KIAA1217: variants seen among roughly 807,000 people sequenced by gnomAD.
KIAA1217 encodes the protein sickle tail protein homolog.
KIAA1217 carries 88 observed loss-of-function variants against 163.9 expected under a neutral mutation model. The observed-to-expected ratio is 0.54, with a 90% CI of 0.45 to 0.64. KIAA1217 has a LOEUF of 0.64. Among genes scored for constraint, KIAA1217 ranks in the 30% least tolerant of loss-of-function variants. The pLI, the probability that KIAA1217 is intolerant of heterozygous loss-of-function variation, is 0.00. For missense variants in KIAA1217, 2,372 were observed against 2,475.0 expected (o/e 0.96, Z 0.88); for synonymous variants, 903 against 923.1 (o/e 0.98, Z 0.39).
intron 4 of KIAA1217, among the ~76,000 whole-genome samples, chr10:24,433,734 A>G (rs570269170): frequency 1.3e-3 from 202 of 152,254 alleles, no homozygotes; most frequent in Middle Eastern, 6.8e-3. Context: ...GACCCTGTGG[A>G]CATTTTAGGT....
intron 2 of KIAA1217, among the ~76,000 whole-genome samples, chr10:24,279,356 A>G (rs1179923805): frequency 6.6e-6 from 1 of 151,952 alleles, no homozygotes; most frequent in Non-Finnish European, 1.5e-5. Context: ...CCTTGACTTC[A>G]AAGTCTGTTG....
intron 2 of KIAA1217, among the ~76,000 whole-genome samples, chr10:24,024,259 AAC>A (rs1468712771): frequency 6.6e-6 from 1 of 151,650 alleles, no homozygotes; most frequent in African/African-American, 2.4e-5. Flanking sequence ...AAGCATCCCC[AAC>A]ACACCAAAAA....
chr10:23,762,687 A>T (rs994801317), intron 1 of KIAA1217, among the ~76,000 whole-genome samples: 1 of 152,234 alleles, frequency 6.6e-6, no homozygotes, highest in African/African-American at 2.4e-5. Context: ...GGCTGGAAGC[A>T]TTCCCCTTGA....
chr10:24,191,638 C>T (rs1293215872), intron 2 of KIAA1217, among the ~76,000 whole-genome samples: 1 of 152,008 alleles, frequency 6.6e-6, no homozygotes, highest in South Asian at 2.1e-4. Context: ...AAAAGCAACC[C>T]AGAATAGGAT....
intron 2 of KIAA1217, among the ~76,000 whole-genome samples, chr10:24,281,780 G>T (rs1205319915): frequency 6.6e-6 from 1 of 152,144 alleles, no homozygotes; most frequent in African/African-American, 2.4e-5. Flanking sequence ...ACAATAATCG[G>T]CCGGGCTCGG....
intron 2 of KIAA1217, among the ~76,000 whole-genome samples, chr10:24,307,612 CAA>C (rs138090288): frequency 1.1e-3 from 126 of 117,710 alleles, no homozygotes; most frequent in African/African-American, 2.1e-3. Flanking sequence ...CCCATCTCTC[CAA>C]AAAAAAAAAA....
chr10:24,126,502 G>A (rs972516870), intron 2 of KIAA1217, among the ~76,000 whole-genome samples: 1 of 152,074 alleles, frequency 6.6e-6, no homozygotes, highest in Non-Finnish European at 1.5e-5. Context: ...TGGTGATGCA[G>A]TTCTTCTCAT....
At chr10:23,988,956 C>T (rs1846097941) in intron 1 of KIAA1217, among the ~76,000 whole-genome samples, 1 of 152,174 alleles carries the variant, frequency 6.6e-6, no homozygotes, top group Non-Finnish European at 1.5e-5. Flanking sequence ...GATTTAGAAT[C>T]TCATTACGTA....
intron 1 of KIAA1217, among the ~76,000 whole-genome samples, chr10:23,948,861 G>T (rs11013808): frequency 0.055 from 8,293 of 152,108 alleles, 327 homozygotes; most frequent in Middle Eastern, 0.12. Context: ...TTTAATTTCA[G>T]CTTAGTCACT....
At chr10:24,053,635 A>G (rs1849677642) in intron 2 of KIAA1217, among the ~76,000 whole-genome samples, 1 of 152,158 alleles carries the variant, frequency 6.6e-6, no homozygotes, top group Non-Finnish European at 1.5e-5. Flanking sequence ...AATAAAAAGA[A>G]AGAAAGAAAG....
At chr10:24,109,403 T>C (rs1027633839) in intron 2 of KIAA1217, among the ~76,000 whole-genome samples, 2 of 151,942 alleles carry the variant, frequency 1.3e-5, no homozygotes, top group African/African-American at 4.8e-5. Flanking sequence ...TTGATTAACA[T>C]GTTTGCAAGA....
chr10:23,966,393 A>G (rs1845068434), intron 1 of KIAA1217, among the ~76,000 whole-genome samples: 1 of 152,134 alleles, frequency 6.6e-6, no homozygotes, highest in African/African-American at 2.4e-5. Context: ...GTTTCATAGA[A>G]AAGCACATGG....
chr10:23,960,501 C>T (rs1844777884), intron 1 of KIAA1217, among the ~76,000 whole-genome samples: 1 of 152,156 alleles, frequency 6.6e-6, no homozygotes, highest in African/African-American at 2.4e-5. Context: ...AGGTGATCCG[C>T]CTGCCTTGGC....
intron 2 of KIAA1217, among the ~76,000 whole-genome samples, chr10:24,293,491 C>T (rs549917942): frequency 6.6e-6 from 1 of 152,250 alleles, no homozygotes; most frequent in Admixed American, 6.5e-5. Flanking sequence ...AGCATCTTTA[C>T]ACACAGGAAA....
At chr10:24,034,324 C>G (rs577786204) in intron 2 of KIAA1217, among the ~76,000 whole-genome samples, 6 of 152,108 alleles carry the variant, frequency 3.9e-5, no homozygotes, top group Admixed American at 3.9e-4. Context: ...TTTGGGAGCC[C>G]AAGGTGGGGT....
chr10:24,008,058 C>T (rs749646268), intron 2 of KIAA1217, among the ~76,000 whole-genome samples: 1 of 152,020 alleles, frequency 6.6e-6, no homozygotes, highest in Non-Finnish European at 1.5e-5. Context: ...AAACTATTAA[C>T]GTTTTTCATT....
chr10:24,065,714 A>G (rs1422106168), intron 2 of KIAA1217, among the ~76,000 whole-genome samples: 2 of 152,100 alleles, frequency 1.3e-5, no homozygotes, highest in African/African-American at 2.4e-5. Flanking sequence ...TTTCTGTCTC[A>G]TTGATCTGTC....
chr10:23,896,558 C>G (rs572620826), intron 1 of KIAA1217, among the ~76,000 whole-genome samples: 8 of 152,080 alleles, frequency 5.3e-5, no homozygotes, highest in African/African-American at 1.9e-4. Context: ...CTCTTATTAT[C>G]TTTGGCTTAC....
chr10:24,429,564 T>A (rs1252973774), intron 3 of KIAA1217, among the ~76,000 whole-genome samples: 1 of 152,158 alleles, frequency 6.6e-6, no homozygotes, highest in African/African-American at 2.4e-5. Context: ...CAACTTTTTC[T>A]TCTTCACTGA....
Sources: gnomAD v4.1 joint callset for allele counts (sites outside exome capture counted in the v4.1 genomes callset) on GRCh38, gnomAD v4.1.1 for gene constraint, MANE v1.5 for transcripts, NCBI Gene and HGNC (gene_info 2026-07-23, HGNC 2026-07-21) for gene names.